Variants in RIMKLA observed in about 807,000 individuals in gnomAD.
The protein encoded by RIMKLA is ribosomal modification protein rimK like family member A, also known as N-acetylaspartylglutamate synthase A.
Under a neutral mutation model 32.7 loss-of-function variants are expected in RIMKLA, and 14 were observed. The observed-to-expected ratio is 0.43, with a 90% CI of 0.28 to 0.67. RIMKLA has a LOEUF of 0.67. RIMKLA is among the 30% of genes least tolerant of loss of function. The pLI, the probability that RIMKLA is intolerant of heterozygous loss-of-function variation, is 0.18. For missense variants in RIMKLA, 410 were observed against 519.0 expected (o/e 0.79, Z 2.04); for synonymous variants, 176 against 204.1 (o/e 0.86, Z 1.18).
At chr1:42,385,657 G>C (rs780193078) in intron 1 of RIMKLA, among the ~76,000 whole-genome samples, 1 of 152,058 alleles carries the variant, frequency 6.6e-6, no homozygotes, top group Non-Finnish European at 1.5e-5. Context: ...TTTAGAACCA[G>C]TGGATGAGAT....
Position 42,399,464 on chromosome 1 carries a change from C to G in RIMKLA, c.224C>G (p.Pro75Arg). 6.2e-7 allele frequency: 1 copy of G among 1,613,386 alleles called. No homozygotes were observed. The highest frequency in any genetic ancestry group is 8.5e-7 in the Non-Finnish European group (1 of 1,179,756). Residue 75 changes from proline (P) to arginine (R), a missense_variant, in exon 2 of 5, where the codon CCC becomes CGC. Physicochemically the swap from Pro to Arg is moderately radical, Grantham distance 103. Transcript: ENST00000431473. ...TFPDVVLVRV[P>R]TPSVQSDSDI... is the part of the protein sequence containing the mutation. ...CCGGATGTGGTGCTTGTACGGGTAC[C>G]CACACCCTCAGTGCAGTCAGACAGT...
chr1:42,399,550 A>G lies in RIMKLA; in HGVS notation c.310A>G (p.Ser104Gly). 6.2e-7 allele frequency: 1 copy of G among 1,613,568 alleles called. No homozygotes were observed. Among genetic ancestry groups the G allele is most frequent in the Non-Finnish European group, 8.5e-7 (1 of 1,179,824 alleles). Residue 104 changes from serine (S) to glycine (G), a missense_variant, in exon 2 of 5, where the codon AGC becomes GGC. Physicochemically the swap from Ser to Gly is moderately conservative, Grantham distance 56 (BLOSUM62 0). Transcript: ENST00000431473. ...CTGCCGGTTGGTCAATCGCCCACAG[A>G]GCATCTTAAATTGCATCAACAAATT... The part of the protein sequence containing the change: ...LGCRLVNRPQ[S>G]ILNCINKFWT...
intron 2 of RIMKLA, among the ~76,000 whole-genome samples, chr1:42,404,039 AT>A (rs151162075): frequency 2.7e-4 from 40 of 148,316 alleles, no homozygotes; most frequent in South Asian, 6.4e-4. Flanking sequence ...ATGTTTCACC[AT>A]TTTTTTTTTA....
intron 1 of RIMKLA, among the ~76,000 whole-genome samples, chr1:42,382,893 T>G (rs1642901269): frequency 6.6e-6 from 1 of 152,092 alleles, no homozygotes; most frequent in Admixed American, 6.5e-5. Flanking sequence ...GTTTTGGGTC[T>G]TGTTGCCCAG....
chr1:42,411,453 T>A (rs1472287954), intron 4 of RIMKLA, among the ~76,000 whole-genome samples: 1 of 139,644 alleles, frequency 7.2e-6, no homozygotes, highest in South Asian at 2.3e-4. Context: ...TCTCATTTTC[T>A]TTTTTTTTCT....
In RIMKLA at chr1:42,380,921, C is replaced by A; in HGVS notation, c.-14C>A. On this transcript the variant is annotated 5_prime_UTR_variant, in exon 1 of 5. Transcript: ENST00000431473. ...AGGGGTCCGCGCCGCGCGGGGCGCA[C>A]CGCCCTGGCCGCCATGTGCTCCCAG... 1 of 1,351,504 alleles carries A rather than the reference C, an allele frequency of 7.4e-7. No homozygotes were observed. Among genetic ancestry groups the A allele is most frequent in the Non-Finnish European group, 9.5e-7 (1 of 1,050,394 alleles). The allele number at this position is 1,351,504 out of a possible 1,614,324, so 83.7% of individuals were successfully genotyped here. A position where few individuals can be genotyped will look rare whatever the true frequency, so the allele number is the denominator to read the frequency against.
intron 1 of RIMKLA, 60 bp downstream of exon 1, chr1:42,381,157 G>C: frequency 8.3e-7 from 1 of 1,210,062 alleles, no homozygotes; most frequent in Non-Finnish European, 1.0e-6. Flanking sequence ...AGAGCCGGTC[G>C]GGTGGGCGCG....
rs780592194 is a variant in RIMKLA at position 42,399,505 on chromosome 1, C to A, written c.265C>A (p.Arg89=). 9.3e-6 allele frequency: 15 copies of A among 1,613,252 alleles called. No homozygotes were observed. The South Asian group carries it at 1.7e-4, about 18-fold the overall frequency. The change falls in exon 2 of 5, where the codon CGA becomes AGA. Residue 89 remains arginine, a synonymous_variant. Transcript: ENST00000431473. ...VQSDSDITVL[R]HLEKLGCRLV... ...GTCAGACAGTGACATCACTGTCCTG[C>A]GACACCTGGAGAAGCTGGGCTGCCG...
At position 42,399,611 on chromosome 1, in the gene RIMKLA, C is replaced by T. The variant is rs1213784715; in HGVS notation, c.371C>T (p.Pro124Leu). The change falls in exon 2 of 5, where the codon CCC (proline) becomes CTC (leucine). Residue 124 changes from proline to leucine, a missense_variant. Pro to Leu is a moderately conservative substitution (Grantham distance 98). Coordinates refer to ENST00000431473, the MANE Select transcript of RIMKLA (RefSeq NM_173642.4). ...TFQELAGHGV[P>L]MPDTFSYGGH... ...CAAGAACTGGCTGGACATGGGGTCC[C>T]CATGCCAGACACCTTCTCCTATGGT... is the stretch of plus-strand genomic sequence containing the variant. 1 of 1,607,900 alleles carries T rather than the reference C, an allele frequency of 6.2e-7. No homozygotes were observed. Among genetic ancestry groups the T allele is most frequent in the Non-Finnish European group, 8.5e-7 (1 of 1,176,708 alleles).
intron 1 of RIMKLA, among the ~76,000 whole-genome samples, chr1:42,388,664 A>C (rs1165677890): frequency 6.6e-6 from 1 of 151,960 alleles, no homozygotes; most frequent in East Asian, 1.9e-4. Context: ...GATTACAGGC[A>C]CATGCCACCG....
chr1:42,388,527 T>G (rs938635183), intron 1 of RIMKLA, among the ~76,000 whole-genome samples: 40 of 149,296 alleles, frequency 2.7e-4, no homozygotes, highest in Non-Finnish European at 3.9e-4. Flanking sequence ...GTTTTTTTTT[T>G]TTTTTTTTTT....
chr1:42,417,060 G>A lies in RIMKLA; in HGVS notation c.*2086G>A, dbSNP rs1231606635. ...TTTAGGTTTGTTCTCACTGGAACTG[G>A]TTACACTTTCTGTGCAAACTTAACC... On this transcript the variant is annotated 3_prime_UTR_variant, in exon 5 of 5. Coordinates refer to ENST00000431473, the MANE Select transcript of RIMKLA (RefSeq NM_173642.4). 3 of 152,218 alleles carry A rather than the reference G, an allele frequency of 2.0e-5. No individual in the cohort carries two copies. The highest frequency in any genetic ancestry group is 2.9e-5 in the Non-Finnish European group (2 of 68,040). The allele number at this position is 152,218 out of a possible 1,614,324, so 9.4% of individuals were successfully genotyped here. A position where few individuals can be genotyped will look rare whatever the true frequency, so the allele number is the denominator to read the frequency against.
chr1:42,407,739 G>T (rs1417173904), intron 3 of RIMKLA, among the ~76,000 whole-genome samples: 2 of 152,174 alleles, frequency 1.3e-5, no homozygotes, highest in African/African-American at 4.8e-5. Flanking sequence ...TAAGTTTTGA[G>T]ATTGGACCCT....
At chr1:42,383,479 A>AT (rs1418449831) in intron 1 of RIMKLA, among the ~76,000 whole-genome samples, 3 of 152,272 alleles carry the variant, frequency 2.0e-5, no homozygotes, top group African/African-American at 7.2e-5. Context: ...CTCAATACAT[A>AT]TTTTTTTAAA....
chr1:42,390,434 C>G (rs1005939384), intron 1 of RIMKLA, among the ~76,000 whole-genome samples: 8 of 152,116 alleles, frequency 5.3e-5, no homozygotes, highest in South Asian at 2.1e-4. Flanking sequence ...GTAGGAGAGA[C>G]AGGCAAATGG....
At position 42,380,900 on chromosome 1, in the gene RIMKLA, G is replaced by A. The variant is rs1023739779; in HGVS notation, c.-35G>A. On this transcript the variant is annotated 5_prime_UTR_variant, in exon 1 of 5. Coordinates refer to ENST00000431473, the MANE Select transcript of RIMKLA (RefSeq NM_173642.4). ...AGCGAGCGGCCCGGGGCGCCGAGGG[G>A]TCCGCGCCGCGCGGGGCGCACCGCC... is the stretch of plus-strand genomic sequence containing the variant. 6.9e-6 allele frequency: 9 copies of A among 1,297,742 alleles called. No homozygotes were observed. The highest frequency in any genetic ancestry group is 1.5e-5 in the African/African-American group (1 of 64,880). The allele number at this position is 1,297,742 out of a possible 1,614,324, so 80.4% of individuals were successfully genotyped here.
intron 1 of RIMKLA, among the ~76,000 whole-genome samples, chr1:42,382,437 C>G (rs1038723600): frequency 6.6e-6 from 1 of 152,104 alleles, no homozygotes; most frequent in African/African-American, 2.4e-5. Context: ...CTTTGAATCT[C>G]GGGATTCTTA....
At chr1:42,389,699 A>G (rs1642984088) in intron 1 of RIMKLA, among the ~76,000 whole-genome samples, 1 of 151,872 alleles carries the variant, frequency 6.6e-6, no homozygotes. Flanking sequence ...CCATAATCCC[A>G]GCTACTCTGG....
At chr1:42,392,217 A>G (rs1643005417) in intron 1 of RIMKLA, among the ~76,000 whole-genome samples, 1 of 152,154 alleles carries the variant, frequency 6.6e-6, no homozygotes, top group South Asian at 2.1e-4. Context: ...AGGCAGAGAT[A>G]ATCATCCTAA....
Sources: allele counts gnomAD v4.1 joint callset (sites outside exome capture counted in the v4.1 genomes callset), GRCh38; gene constraint gnomAD v4.1.1; transcripts MANE v1.5; gene names NCBI Gene and HGNC (gene_info 2026-07-23, HGNC 2026-07-21).